Variants in ZNF507 observed in about 807,000 individuals in gnomAD.
The protein encoded by ZNF507 is zinc finger protein 507.
In ZNF507, 29 loss-of-function variants were observed where a neutral mutation model predicts 80.0. That is an observed-to-expected ratio of 0.36 (90% CI 0.27 to 0.49). The LOEUF is 0.49. Ranked by LOEUF, ZNF507 falls within the 20% of genes least tolerant of loss-of-function variation. ZNF507 has a pLI of 0.98. For synonymous variants in ZNF507, 462 were observed against 422.5 expected, an observed-to-expected ratio of 1.09 and a Z score of -1.15; for missense variants, 1,081 against 1,152.2, an observed-to-expected ratio of 0.94 and a Z score of 0.90.
At chr19:32,369,641 G>GT (rs1320763845) in intron 5 of ZNF507, among the ~76,000 whole-genome samples, 1 of 150,356 alleles carries the variant, frequency 6.7e-6, no homozygotes, top group Non-Finnish European at 1.5e-5. Flanking sequence ...TTTTTGTTTT[G>GT]TTTTTTAATA....
chr19:32,368,581 T>C (rs1039885936), intron 5 of ZNF507, among the ~76,000 whole-genome samples: 7 of 152,218 alleles, frequency 4.6e-5, no homozygotes, highest in African/African-American at 1.7e-4. Context: ...CTTTAGTCAA[T>C]GTGTTGGCTT....
At chr19:32,373,784 A>C (rs187103326) in intron 5 of ZNF507, among the ~76,000 whole-genome samples, 1 of 152,308 alleles carries the variant, frequency 6.6e-6, no homozygotes, top group East Asian at 1.9e-4. Context: ...CAGCATTATC[A>C]CTTTGTGGGT....
chr19:32,354,708 C>T lies in ZNF507; in HGVS notation c.1878C>T (p.Ser626=), dbSNP rs376824842. 28 of 1,614,120 alleles carry T rather than the reference C, an allele frequency of 1.7e-5. No individual in the cohort carries two copies. The African/African-American group carries it at 2.1e-4, about 12-fold the overall frequency. Residue 626 remains serine (S), a synonymous_variant, in exon 3 of 7, where the codon TCC becomes TCT. Transcript: ENST00000355898. ...AACCCAACAGCGATACAAGTTTGTC[C>T]GGAAACAATGTGGTGGAATACATCC... is the stretch of plus-strand genomic sequence containing the variant. ...QCQPNSDTSL[S]GNNVVEYIPN... is the part of the protein sequence containing the mutation.
intron 5 of ZNF507, among the ~76,000 whole-genome samples, chr19:32,369,851 C>G (rs1482610446): frequency 1.3e-5 from 2 of 152,166 alleles, no homozygotes; most frequent in Non-Finnish European, 2.9e-5. Context: ...TATTAGGTCT[C>G]TAGACAAGTT....
intron 3 of ZNF507, 60 bp from the exon 4 acceptor site, chr19:32,356,556 C>A: frequency 8.3e-7 from 1 of 1,200,764 alleles, no homozygotes; most frequent in Non-Finnish European, 1.2e-6. Context: ...TCTTCTACAG[C>A]CTCCTAAGAG....
intron 4 of ZNF507, 56 bp from the exon 5 acceptor site, chr19:32,360,445 ATGC>A (rs1449341969): frequency 7.4e-6 from 6 of 807,178 alleles, no homozygotes; most frequent in Non-Finnish European, 1.1e-5. Flanking sequence ...TGGAATGTAA[ATGC>A]TGTCATTTGA....
At chr19:32,350,469 A>C (rs1277398521) in intron 2 of ZNF507, among the ~76,000 whole-genome samples, 1 of 152,170 alleles carries the variant, frequency 6.6e-6, no homozygotes, top group East Asian at 1.9e-4. Context: ...TAAAAATCTG[A>C]ATGTTTTGTC....
chr19:32,345,962 C>T (rs1036387093), intron 1 of ZNF507, among the ~76,000 whole-genome samples, 179 bp downstream of exon 1: 1 of 152,220 alleles, frequency 6.6e-6, no homozygotes, highest in Non-Finnish European at 1.5e-5. Flanking sequence ...GCAAGGCCTG[C>T]GGAGACTCTG....
chr19:32,354,412 A>T lies in ZNF507; in HGVS notation c.1582A>T (p.Thr528Ser). The T allele has an allele frequency of 6.2e-7, 1 of 1,614,158 alleles. No homozygotes were observed. The highest frequency in any genetic ancestry group is 8.5e-7 in the Non-Finnish European group (1 of 1,180,042). The stretch of plus-strand genomic sequence containing the variant: ...AGATATAAACCTTTTAGATCCAGAT[A>T]CTAGTCAAAGGCAAGTAGATAGTAC... ...YGDINLLDPD[T>S]SQRQVDSTLA... Residue 528 changes from threonine to serine, a missense_variant, in exon 3 of 7, where the codon ACT (threonine) becomes TCT (serine). By Grantham distance (58) the Thr-to-Ser change is moderately conservative. Around this residue, in one of 6 missense-constraint regions of ZNF507, gnomAD observed 614 missense variants for 583.9 expected, o/e 1.05. Transcript: ENST00000355898.
At chr19:32,370,540 A>G (rs1967456121) in intron 5 of ZNF507, among the ~76,000 whole-genome samples, 1 of 152,202 alleles carries the variant, frequency 6.6e-6, no homozygotes, top group Non-Finnish European at 1.5e-5. Flanking sequence ...CTTTGGAGAA[A>G]TATCTGTTCA....
chr19:32,362,987 C>A lies in ZNF507; in HGVS notation c.2360+2369C>A, dbSNP rs557130100. Among the ~76,000 whole-genome samples the A allele has an allele frequency of 4.5e-4, 69 of 152,334 alleles. 1 individual carries two copies. Among genetic ancestry groups the A allele is most frequent in the African/African-American group, 1.6e-3 (65 of 41,570 alleles). Reference sequence around the variant, plus strand: ...CCTTTGCCTTCATGGGATTTCTGGTCGCAGAGCATTACGGATTAACATGTT... The same window carrying A: ...CCTTTGCCTTCATGGGATTTCTGGTAGCAGAGCATTACGGATTAACATGTT... On this transcript the variant is annotated intron_variant, in intron 5 of 6. Transcript: ENST00000355898.
chr19:32,355,750 G>A (rs1054829381), intron 3 of ZNF507, among the ~76,000 whole-genome samples: 1 of 151,992 alleles, frequency 6.6e-6, no homozygotes, highest in Non-Finnish European at 1.5e-5. Flanking sequence ...GTGGTAAAAA[G>A]GTCACAGGAG....
rs934921715 is a variant in ZNF507 at position 32,384,105 on chromosome 19, A to G, written c.*1022A>G. The G allele has an allele frequency of 2.0e-5, 3 of 152,184 alleles. No homozygotes were observed. Among genetic ancestry groups the G allele is most frequent in the African/African-American group, 7.2e-5 (3 of 41,446 alleles). The allele number at this position is 152,184 out of a possible 1,614,324, so 9.4% of individuals were successfully genotyped here. On this transcript the variant is annotated 3_prime_UTR_variant, in exon 7 of 7. Coordinates refer to ENST00000355898, the MANE Select transcript of ZNF507 (RefSeq NM_001136156.2). Reference sequence around the variant, plus strand: ...GTGTTGAGCTTTTCTTTCCTGGGGTATATTAATTTAGTTATATTTAGCAGA... The same window carrying G: ...GTGTTGAGCTTTTCTTTCCTGGGGTGTATTAATTTAGTTATATTTAGCAGA...
Position 32,353,734 on chromosome 19 carries a change from G to A in ZNF507, c.904G>A (p.Val302Ile), listed in dbSNP as rs1319580870. 1.2e-6 allele frequency: 2 copies of A among 1,614,082 alleles called. No individual in the cohort carries two copies. The highest frequency in any genetic ancestry group is 2.7e-5 in the African/African-American group (2 of 74,908). The change falls in exon 3 of 7, where the codon GTC becomes ATC. Residue 302 changes from valine to isoleucine, a missense_variant. Around this residue, in one of 6 missense-constraint regions of ZNF507, gnomAD observed 614 missense variants for 583.9 expected, o/e 1.05. Coordinates refer to ENST00000355898, the MANE Select transcript of ZNF507 (RefSeq NM_001136156.2). ...DSSAAAAPGG[V>I]DAVVIAIGES... ...TTCAGCAGCTGCTGCGCCTGGTGGG[G>A]TCGATGCAGTCGTCATTGCTATTGG... is the stretch of plus-strand genomic sequence containing the variant.
chr19:32,353,716 G>C lies in ZNF507; in HGVS notation c.886G>C (p.Ala296Pro). 1 of 1,614,222 alleles carries C rather than the reference G, an allele frequency of 6.2e-7. No homozygotes were observed. The highest frequency in any genetic ancestry group is 1.3e-5 in the African/African-American group (1 of 75,048). ...EPLGLLDSSA[A>P]AAPGGVDAVV... ...CCTAGGCCTGCTGGATTCTTCAGCA[G>C]CTGCTGCGCCTGGTGGGGTCGATGC... The change falls in exon 3 of 7, where the codon GCT (alanine) becomes CCT (proline). Residue 296 changes from alanine to proline, a missense_variant. Transcript: ENST00000355898.
Position 32,370,358 on chromosome 19 carries a change from A to G in ZNF507, c.2360+9740A>G, listed in dbSNP as rs141814016. On this transcript the variant is annotated intron_variant, in intron 5 of 6. Transcript: ENST00000355898. Reference sequence around the variant, plus strand: ...GCCGTACCAATCTACATTGTCACCAACAGTGTAGTAGGATTTCCTTTTCCC... The same window carrying G: ...GCCGTACCAATCTACATTGTCACCAGCAGTGTAGTAGGATTTCCTTTTCCC... 4.2e-3 allele frequency among the ~76,000 whole-genome samples: 640 copies of G among 152,184 alleles called. 5 individuals are homozygous for G. The highest frequency in any genetic ancestry group is 0.015 in the African/African-American group (606 of 41,510).
intron 5 of ZNF507, among the ~76,000 whole-genome samples, chr19:32,376,151 C>T (rs1272726134): frequency 6.6e-6 from 1 of 152,004 alleles, no homozygotes; most frequent in Non-Finnish European, 1.5e-5. Context: ...TAACAGTAGC[C>T]TTCCATAATT....
At chr19:32,370,660 TA>T (rs769207643) in intron 5 of ZNF507, among the ~76,000 whole-genome samples, 4 of 152,244 alleles carry the variant, frequency 2.6e-5, no homozygotes, top group East Asian at 1.9e-4. Context: ...GGTTTGCAGA[TA>T]TTTTTTTTGC....
Position 32,377,721 on chromosome 19 carries a change from C to T in ZNF507, c.2361-4746C>T, listed in dbSNP as rs886787129. On this transcript the variant is annotated intron_variant, in intron 5 of 6. Transcript: ENST00000355898. ...ATGCAAAAGAATTCCATGTAATTGA[C>T]GTAGATACCCCTCCCTCAAGGAGGC... Among the ~76,000 whole-genome samples the T allele has an allele frequency of 2.6e-5, 4 of 152,096 alleles. No homozygotes were observed. The South Asian group carries it at 8.3e-4, about 32-fold the overall frequency.
Sources: gnomAD v4.1 joint callset for allele counts (sites outside exome capture counted in the v4.1 genomes callset) on GRCh38, gnomAD v4.1.1 for gene constraint, gnomAD v4.1.1 regional missense constraint, MANE v1.5 for transcripts, NCBI Gene and HGNC (gene_info 2026-07-23, HGNC 2026-07-21) for gene names.